The following TRMT9B variants were observed in gnomAD, a reference collection of about 807,000 sequenced individuals.
The protein encoded by TRMT9B is probable tRNA methyltransferase 9B.
In TRMT9B, 16 loss-of-function variants were observed where a neutral mutation model predicts 11.5. That is an observed-to-expected ratio of 1.39 (90% CI 0.94 to 2.11). The LOEUF (loss-of-function observed/expected upper bound fraction) is 2.11, where lower values mean the gene tolerates loss of function less well. TRMT9B is among the 30% of genes most tolerant of loss of function. TRMT9B has a pLI of 0.00. For synonymous variants in TRMT9B, 274 were observed against 192.4 expected, an observed-to-expected ratio of 1.42 and a Z score of -3.51; for missense variants, 941 against 553.8, an observed-to-expected ratio of 1.70 and a Z score of -7.02.
rs1810444092 is a variant in TRMT9B, at chr8:13,006,282, T to C, written c.80T>C (p.Leu27Pro). ...YESTAPYFSD[L>P]QSKAWPRVRQ... The stretch of plus-strand genomic sequence containing the variant: ...AGCACAGCCCCTTACTTCAGCGACC[T>C]GCAGAGCAAAGCCTGGCCTCGTGTC... Residue 27 changes from leucine to proline, a missense_variant, in exon 3 of 5, where the codon CTG becomes CCG. Coordinates refer to ENST00000524591, the MANE Select transcript of TRMT9B (RefSeq NM_020844.3). 1 of 1,613,968 alleles carries C rather than the reference T, an allele frequency of 6.2e-7. No homozygotes were observed. Among genetic ancestry groups the C allele is most frequent in the African/African-American group, 1.3e-5 (1 of 75,062 alleles).
chr8:12,976,576 C>T (rs1804486834), intron 1 of TRMT9B, among the ~76,000 whole-genome samples: 1 of 151,136 alleles, frequency 6.6e-6, no homozygotes, highest in Non-Finnish European at 1.5e-5. Flanking sequence ...CCTGTCTCTA[C>T]TAAAAATACA....
chr8:12,987,279 G>A (rs1563365959), intron 1 of TRMT9B, among the ~76,000 whole-genome samples: 3 of 152,192 alleles, frequency 2.0e-5, no homozygotes. Context: ...AAGAGTCAAT[G>A]TGTTAAATGC....
At chr8:12,963,056 T>C (rs969569628) in intron 1 of TRMT9B, among the ~76,000 whole-genome samples, 3 of 152,180 alleles carry the variant, frequency 2.0e-5, no homozygotes, top group African/African-American at 4.8e-5. Flanking sequence ...TCAAGAATAA[T>C]TGAATAACTA....
At position 12,985,051 on chromosome 8, in the gene TRMT9B, G is replaced by C. The variant is rs75918051; in HGVS notation, c.-199-5783G>C. On this transcript the variant is annotated intron_variant, in intron 1 of 4. Coordinates refer to ENST00000524591, the MANE Select transcript of TRMT9B (RefSeq NM_020844.3). ...TCATTTCCCCTATTTCGTTTTGGGGGCTAATATCCTACTCTTAGTGAACAG... is the reference window on the plus strand; with the variant it reads ...TCATTTCCCCTATTTCGTTTTGGGGCCTAATATCCTACTCTTAGTGAACAG... 4.2e-3 allele frequency among the ~76,000 whole-genome samples: 641 copies of C among 151,798 alleles called. 3 individuals carry two copies. Among genetic ancestry groups the C allele is most frequent in the African/African-American group, 0.015 (610 of 41,364 alleles).
intron 1 of TRMT9B, among the ~76,000 whole-genome samples, chr8:12,965,002 A>G (rs1199019645): frequency 6.6e-6 from 1 of 152,224 alleles, no homozygotes; most frequent in Non-Finnish European, 1.5e-5. Context: ...AGTCTGGTTT[A>G]TTCTGGTCAC....
chr8:12,955,819 C>A (rs930888332), intron 1 of TRMT9B, among the ~76,000 whole-genome samples: 3 of 152,132 alleles, frequency 2.0e-5, no homozygotes, highest in Admixed American at 1.3e-4. Context: ...GGGGACCTGG[C>A]CTGAGCCTCA....
chr8:13,028,119 A>G lies in TRMT9B; in HGVS notation c.*6075A>G, dbSNP rs796628104. ...TAATTCCCCAGGGATCCTACGGTCTATGACACATTAACAGGGGTGTGAATC... is the reference window on the plus strand; with the variant it reads ...TAATTCCCCAGGGATCCTACGGTCTGTGACACATTAACAGGGGTGTGAATC... On this transcript the variant is annotated 3_prime_UTR_variant, in exon 5 of 5. Transcript: ENST00000524591. 3.0e-5 allele frequency: 5 copies of G among 167,254 alleles called. No individual in the cohort carries two copies. Among genetic ancestry groups the G allele is most frequent in the South Asian group, 2.1e-4 (1 of 4,832 alleles). 10.4% of individuals were successfully genotyped at this position (167,254 alleles called of 1,614,324 possible).
rs1344350931 is a variant in TRMT9B, at chr8:12,990,921, A to G, written c.-112A>G. On this transcript the variant is annotated 5_prime_UTR_variant, in exon 2 of 5. Transcript: ENST00000524591. ...ATTTCACTCCTACAAGTTTTCATTT[A>G]CGTTACACATTGAGAAAGTTATGAG... 1 of 1,289,420 alleles carries G rather than the reference A, an allele frequency of 7.8e-7. No individual in the cohort carries two copies. Among genetic ancestry groups the G allele is most frequent in the Non-Finnish European group, 1.0e-6 (1 of 988,562 alleles). The allele number at this position is 1,289,420 out of a possible 1,614,324, so 79.9% of individuals were successfully genotyped here. A position where few individuals can be genotyped will look rare whatever the true frequency, so the allele number is the denominator to read the frequency against.
chr8:12,957,373 G>A (rs567552031), intron 1 of TRMT9B, among the ~76,000 whole-genome samples: 1 of 152,096 alleles, frequency 6.6e-6, no homozygotes, highest in Non-Finnish European at 1.5e-5. Flanking sequence ...ACTGCTCTTG[G>A]TGCTCTAATC....
Position 13,022,263 on chromosome 8 carries a change from A to G in TRMT9B, c.*219A>G. The G allele has an allele frequency of 2.1e-6, 1 of 478,616 alleles. No homozygotes were observed. The highest frequency in any genetic ancestry group is 3.8e-6 in the Non-Finnish European group (1 of 265,688). The allele number at this position is 478,616 out of a possible 1,614,324, so 29.6% of individuals were successfully genotyped here. A position where few individuals can be genotyped will look rare whatever the true frequency, so the allele number is the denominator to read the frequency against. ...AAAGGGTATTTGTGCTTAAATGTTA[A>G]TATACAAGATCTGAAGAAGCAACAG... On this transcript the variant is annotated 3_prime_UTR_variant, in exon 5 of 5. Coordinates refer to ENST00000524591, the MANE Select transcript of TRMT9B (RefSeq NM_020844.3).
intron 1 of TRMT9B, among the ~76,000 whole-genome samples, chr8:12,964,779 A>G (rs1348014793): frequency 6.6e-6 from 1 of 152,006 alleles, no homozygotes; most frequent in Non-Finnish European, 1.5e-5. Flanking sequence ...GTTTGTAAAG[A>G]TGGGGTGTCA....
chr8:12,971,197 A>G (rs574556467), intron 1 of TRMT9B, among the ~76,000 whole-genome samples: 1 of 152,124 alleles, frequency 6.6e-6, no homozygotes, highest in South Asian at 2.1e-4. Flanking sequence ...TGTATTATCA[A>G]ATACTGGTAT....
chr8:12,961,971 C>T (rs755841789), intron 1 of TRMT9B: 5 of 152,256 alleles, frequency 3.3e-5, no homozygotes, highest in African/African-American at 1.2e-4. Context: ...TGGTTAAAGA[C>T]TTGGATCAGA....
At chr8:12,990,627 T>C (rs1264282880) in intron 1 of TRMT9B, among the ~76,000 whole-genome samples, 8 of 152,176 alleles carry the variant, frequency 5.3e-5, no homozygotes, top group Admixed American at 5.2e-4. Context: ...GTATTGTATG[T>C]TTTATAGAAA....
chr8:13,012,085 C>T (rs931023671), intron 3 of TRMT9B: 1 of 985,380 alleles, frequency 1.0e-6, no homozygotes, highest in African/African-American at 1.7e-5. Context: ...TTGCCTTGGA[C>T]CAGCTAACGT....
intron 4 of TRMT9B, among the ~76,000 whole-genome samples, chr8:13,013,928 G>A (rs1442815016): frequency 6.6e-6 from 1 of 152,122 alleles, no homozygotes; most frequent in African/African-American, 2.4e-5. Context: ...CAGCCTGGAT[G>A]ACAAGAGTGA....
At chr8:12,989,158 A>G (rs1332370373) in intron 1 of TRMT9B, among the ~76,000 whole-genome samples, 3 of 152,080 alleles carry the variant, frequency 2.0e-5, no homozygotes, top group African/African-American at 2.4e-5. Context: ...AAATACACGC[A>G]TGGCTTATTT....
chr8:12,951,440 CG>C (rs1800599865), intron 1 of TRMT9B: 1 of 152,404 alleles, frequency 6.6e-6, no homozygotes, highest in Non-Finnish European at 1.5e-5. Flanking sequence ...TCTTCTCCTA[CG>C]CAGGAAGGGC....
chr8:12,979,900 T>C (rs1805074624), intron 1 of TRMT9B, among the ~76,000 whole-genome samples: 1 of 152,124 alleles, frequency 6.6e-6, no homozygotes, highest in Non-Finnish European at 1.5e-5. Flanking sequence ...GGCTGGAAAA[T>C]GGGTTTGAAC....
Sources: gnomAD v4.1 joint callset for allele counts (sites outside exome capture counted in the v4.1 genomes callset) on GRCh38, gnomAD v4.1.1 for gene constraint, MANE v1.5 for transcripts, NCBI Gene and HGNC (gene_info 2026-07-23, HGNC 2026-07-21) for gene names.